Variants in DET1 observed in about 807,000 individuals in gnomAD.
The protein encoded by DET1 is DET1 homolog.
DET1 carries 22 observed loss-of-function variants against 43.7 expected under a neutral mutation model. The ratio of observed to expected loss-of-function variants is 0.50; its 90% CI spans 0.36 to 0.72. The LOEUF (loss-of-function observed/expected upper bound fraction) is 0.72, where lower values mean the gene tolerates loss of function less well. DET1 is among the 30% of genes least tolerant of loss of function. The pLI, the probability that DET1 is intolerant of heterozygous loss-of-function variation, is 0.00. For missense variants in DET1, 713 were observed against 713.3 expected (o/e 1.00, Z 0.00); for synonymous variants, 315 against 266.2 (o/e 1.18, Z -1.79).
chr15:88,504,138 C>T lies in DET1; in HGVS notation c.*2066-151G>A, dbSNP rs1350016897. 6.6e-6 allele frequency: 1 copy of T among 152,134 alleles called. No homozygotes were observed. The highest frequency in any genetic ancestry group is 1.5e-5 in the Non-Finnish European group (1 of 68,040). 9.4% of individuals were successfully genotyped at this position (152,134 alleles called of 1,614,324 possible). ...TGAATGAAGCGGGAGGACTGGATTC[C>T]AGGATATTTCATTCACATGGCTATC... On this transcript the variant is annotated intron_variant and NMD_transcript_variant, in intron 7 of 8. Coordinates refer to the DET1 transcript ENST00000557842. This position sits in a 1 kb window ranked among gnomAD's most constrained non-coding sequence, Gnocchi z 4.7.
At chr15:88,540,214 G>A (rs958511385) in intron 1 of DET1, among the ~76,000 whole-genome samples, 2 of 152,082 alleles carry the variant, frequency 1.3e-5, no homozygotes, top group African/African-American at 4.8e-5. Flanking sequence ...GGTATTTAGG[G>A]TACAGATCTA....
downstream of DET1, chr15:88,511,586 C>T (rs1739159252): frequency 1.0e-6 from 1 of 985,206 alleles, no homozygotes; most frequent in African/African-American, 1.7e-5. Flanking sequence ...CTCCACTGTC[C>T]CTAGAGAGAC....
intron 1 of DET1, among the ~76,000 whole-genome samples, chr15:88,537,589 G>C (rs1224252414): frequency 1.3e-5 from 2 of 152,346 alleles, no homozygotes; most frequent in East Asian, 3.9e-4. Flanking sequence ...CATAGGCAGA[G>C]TTGAGCAGCT....
intron 2 of DET1, 93 bp downstream of exon 2, chr15:88,530,530 C>T (rs2056781745): frequency 1.3e-6 from 2 of 1,506,254 alleles, no homozygotes; most frequent in Non-Finnish European, 8.8e-7. Context: ...CGTGAAATGT[C>T]TATTTCTGAG....
At position 88,516,693 on chromosome 15, in the gene DET1, A is replaced by G; in HGVS notation, c.1463+89T>C. ...TTACCCATGAGTACGAGTCACAGTCACAATCAAATGATGTCCAGAAAAAGA... is the reference window on the plus strand; with the variant it reads ...TTACCCATGAGTACGAGTCACAGTCGCAATCAAATGATGTCCAGAAAAAGA... On this transcript the variant is annotated intron_variant, in intron 4 of 4. Coordinates refer to ENST00000268148, the MANE Select transcript of DET1 (RefSeq NM_001144074.3). The surrounding 1 kb of genome is among the most constrained non-coding windows in gnomAD (Gnocchi z 4.4). The G allele has an allele frequency of 8.6e-7, 1 of 1,168,494 alleles. No homozygotes were observed. 72.4% of individuals were successfully genotyped at this position (1,168,494 alleles called of 1,614,324 possible). A position where few individuals can be genotyped will look rare whatever the true frequency, so the allele number is the denominator to read the frequency against.
rs773437058 is a variant in DET1 at position 88,531,276 on chromosome 15, A to C, written c.430T>G (p.Cys144Gly). The C allele has an allele frequency of 6.2e-7, 1 of 1,613,672 alleles. No individual in the cohort carries two copies. Among genetic ancestry groups the C allele is most frequent in the Admixed American group, 1.7e-5 (1 of 59,992 alleles). Residue 144 changes from cysteine (C) to glycine (G), a missense_variant, in exon 2 of 5, where the codon TGT (cysteine) becomes GGT (glycine). Coordinates refer to ENST00000268148, the MANE Select transcript of DET1 (RefSeq NM_001144074.3). The surrounding 1 kb of genome is among the most constrained non-coding windows in gnomAD (Gnocchi z 6.2). ...AANGEHLNRE[C>G]SLFTDDCRCV... ...CGGCAGTCATCAGTGAAGAGACTAC[A>C]CTCCCGGTTCAGGTGCTCACCATTG...
At position 88,538,044 on chromosome 15, in the gene DET1, A is replaced by G. The variant is rs79161323; in HGVS notation, c.-10-6329T>C. On this transcript the variant is annotated intron_variant, in intron 1 of 4. Coordinates refer to ENST00000268148, the MANE Select transcript of DET1 (RefSeq NM_001144074.3). ...ACCAGGTCTACCTCGGTCATGCGGTATTTTCAGAGCCTAGCACTGGGACTG... is the reference window on the plus strand; with the variant it reads ...ACCAGGTCTACCTCGGTCATGCGGTGTTTTCAGAGCCTAGCACTGGGACTG... 1.4e-3 allele frequency among the ~76,000 whole-genome samples: 211 copies of G among 152,290 alleles called. 1 individual carries two copies. The highest frequency in any genetic ancestry group is 4.3e-3 in the African/African-American group (178 of 41,554).
At chr15:88,510,840 G>A (rs1224506246), downstream of DET1, among the ~76,000 whole-genome samples, 8 of 147,070 alleles carry the variant, frequency 5.4e-5, no homozygotes, top group East Asian at 8.2e-4. Context: ...GCGCAATCTC[G>A]GCTCACTCAC....
Position 88,512,502 on chromosome 15 carries a change from CTTTA to C in DET1, c.*445_*448del. 10 of 987,176 alleles carry C rather than the reference CTTTA, an allele frequency of 1.0e-5. No individual in the cohort carries two copies. Among genetic ancestry groups the C allele is most frequent in the Non-Finnish European group, 1.2e-5 (10 of 830,932 alleles). The allele number at this position is 987,176 out of a possible 1,614,324, so 61.2% of individuals were successfully genotyped here. ...ATATTTAAGTATGAAAATACCATGGCTTTATTTTTCTCTTAAAAAGATAGCCGTG... is the reference window on the plus strand; with the variant it reads ...ATATTTAAGTATGAAAATACCATGGCTTTTTCTCTTAAAAAGATAGCCGTG... On this transcript the variant is annotated 3_prime_UTR_variant, in exon 5 of 5. Transcript: ENST00000268148.
rs201392857 is a variant in DET1 at position 88,535,339 on chromosome 15, G to A, written c.-10-3624C>T. ...CATTACCCAATGTGAACAAAAGAGG[G>A]AAAAAATAAAAAGACTGAAAAAAAG... On this transcript the variant is annotated intron_variant, in intron 1 of 4. Coordinates refer to ENST00000268148, the MANE Select transcript of DET1 (RefSeq NM_001144074.3). Among the ~76,000 whole-genome samples, 5 of 147,980 alleles carry A rather than the reference G, an allele frequency of 3.4e-5. No homozygotes were observed. The East Asian group carries it at 9.8e-4, about 29-fold the overall frequency.
At position 88,516,397 on chromosome 15, in the gene DET1, G is replaced by A. The variant is rs907519995; in HGVS notation, c.1463+385C>T. 1.3e-5 allele frequency among the ~76,000 whole-genome samples: 2 copies of A among 152,154 alleles called. No individual in the cohort carries two copies. Among genetic ancestry groups the A allele is most frequent in the African/African-American group, 4.8e-5 (2 of 41,438 alleles). The stretch of plus-strand genomic sequence containing the variant: ...GTCAGCAGGTCCCCAAATTGTCTCT[G>A]CTATTTTTTCTATGAGGTAACATGG... On this transcript the variant is annotated intron_variant, in intron 4 of 4. Coordinates refer to ENST00000268148, the MANE Select transcript of DET1 (RefSeq NM_001144074.3). This position sits in a 1 kb window ranked among gnomAD's most constrained non-coding sequence, Gnocchi z 4.4.
downstream of DET1, chr15:88,511,536 C>T: frequency 2.0e-6 from 2 of 985,596 alleles, no homozygotes; most frequent in Non-Finnish European, 2.4e-6. Context: ...CAGTGCTCTT[C>T]CACAGTATAT....
chr15:88,512,584 T>C lies in DET1; in HGVS notation c.*367A>G. ...GTCATTCTCATCAGTAAACAAGATTTAACTGCTTTCAGATGCAAACCATAA... is the reference window on the plus strand; with the variant it reads ...GTCATTCTCATCAGTAAACAAGATTCAACTGCTTTCAGATGCAAACCATAA... On this transcript the variant is annotated 3_prime_UTR_variant, in exon 5 of 5. Coordinates refer to ENST00000268148, the MANE Select transcript of DET1 (RefSeq NM_001144074.3). 2 of 1,015,884 alleles carry C rather than the reference T, an allele frequency of 2.0e-6. No individual in the cohort carries two copies. The highest frequency in any genetic ancestry group is 2.4e-6 in the Non-Finnish European group (2 of 849,670). 62.9% of individuals were successfully genotyped at this position (1,015,884 alleles called of 1,614,324 possible). A position where few individuals can be genotyped will look rare whatever the true frequency, so the allele number is the denominator to read the frequency against.
chr15:88,531,427 T>G lies in DET1; in HGVS notation c.279A>C (p.Ala93=), dbSNP rs1242703820. Residue 93 remains alanine (A), a synonymous_variant, in exon 2 of 5, where the codon GCA becomes GCC. Transcript: ENST00000268148. This position sits in a 1 kb window ranked among gnomAD's most constrained non-coding sequence, Gnocchi z 6.2. ...EIYEYQGCQA[A]EDLLQGYEGE... ...CTTCGTATCCCTGCAGTAGGTCCTC[T>G]GCTGCCTGGCAGCCCTGGTACTCAT... 2.5e-6 allele frequency: 4 copies of G among 1,613,956 alleles called. No homozygotes were observed. Among genetic ancestry groups the G allele is most frequent in the Admixed American group, 1.7e-5 (1 of 60,012 alleles).
chr15:88,545,700 C>T (rs939575160), intron 1 of DET1, among the ~76,000 whole-genome samples: 1 of 150,070 alleles, frequency 6.7e-6, no homozygotes, highest in African/African-American at 2.5e-5. Context: ...TGATTTGATT[C>T]CCCAAAAACA....
chr15:88,518,080 A>T (rs2056394291), intron 3 of DET1, among the ~76,000 whole-genome samples: 1 of 150,452 alleles, frequency 6.6e-6, no homozygotes, highest in Admixed American at 6.6e-5. Flanking sequence ...CCAGGACGAC[A>T]GGTGCGTGCC....
rs189056311 is a variant in DET1 at position 88,530,264 on chromosome 15, G to A, written c.1083+359C>T. ...CATTCTCATTGCCAGAACTAAAACA[G>A]CCAGACCAATAATACAGTCTTACAA... On this transcript the variant is annotated intron_variant, in intron 2 of 4. Transcript: ENST00000268148. 3.9e-5 allele frequency among the ~76,000 whole-genome samples: 6 copies of A among 152,282 alleles called. No homozygotes were observed. The East Asian group carries it at 7.7e-4, about 20-fold the overall frequency.
intron 7 of DET1, chr15:88,505,805 T>C (rs1346185154): frequency 6.6e-6 from 1 of 152,234 alleles, no homozygotes; most frequent in East Asian, 1.9e-4. Context: ...TTTTAATAAA[T>C]GTTAGCCATC....
chr15:88,536,413 T>G, intron 1 of DET1: 1 of 711,538 alleles, frequency 1.4e-6, no homozygotes, highest in Non-Finnish European at 2.6e-6. Context: ...CGCTCATAAA[T>G]ATGTTAAAAT....
Sources: gnomAD v4.1 joint callset for allele counts (sites outside exome capture counted in the v4.1 genomes callset) on GRCh38, gnomAD v4.1.1 for gene constraint, Gnocchi (gnomAD v3.1) non-coding constraint, MANE v1.5 for transcripts, NCBI Gene and HGNC (gene_info 2026-07-23, HGNC 2026-07-21) for gene names.